Variants in AFG2A observed in about 807,000 individuals in gnomAD.
AFG2A encodes the protein ATPase family gene 2 protein homolog A.
At chr4:122,962,668 T>C in the AFG2A span, among the ~76,000 whole-genome samples, 1 of 152,218 alleles carries the variant, frequency 6.6e-6, no homozygotes, top group African/African-American at 2.4e-5. Context: ...AAGGTTTTCT[T>C]TCTAATTAAA....
chr4:123,140,161 A>G, the AFG2A span, among the ~76,000 whole-genome samples: 2,122 of 152,230 alleles, frequency 0.014, 54 homozygotes, highest in African/African-American at 0.049. Flanking sequence ...TGTTTTCAGA[A>G]TATCTAACCT....
At chr4:123,313,530 T>C in the AFG2A span, among the ~76,000 whole-genome samples, 1 of 152,234 alleles carries the variant, frequency 6.6e-6, no homozygotes, top group African/African-American at 2.4e-5. Flanking sequence ...CTCCACCACA[T>C]AGAGACATGC....
chr4:123,115,071 A>G, the AFG2A span, among the ~76,000 whole-genome samples: 1 of 152,170 alleles, frequency 6.6e-6, no homozygotes, highest in Non-Finnish European at 1.5e-5. Context: ...CTGCTCTCAC[A>G]GTTGCTTCTG....
At chr4:123,255,591 AC>A in the AFG2A span, among the ~76,000 whole-genome samples, 3 of 152,014 alleles carry the variant, frequency 2.0e-5, no homozygotes, top group Non-Finnish European at 1.5e-5. Flanking sequence ...TAAGGAAGTT[AC>A]AAAAAAAATT....
chr4:122,942,619 T>A, the AFG2A span, among the ~76,000 whole-genome samples: 5 of 152,202 alleles, frequency 3.3e-5, no homozygotes, highest in Non-Finnish European at 5.9e-5. Context: ...AGGGTTTTTT[T>A]ATGTCTCTAT....
chr4:123,053,210 A>G, the AFG2A span, among the ~76,000 whole-genome samples: 2 of 152,176 alleles, frequency 1.3e-5, no homozygotes, highest in Non-Finnish European at 2.9e-5. Context: ...GACAATTAAT[A>G]TTTACCATCA....
the AFG2A span, among the ~76,000 whole-genome samples, chr4:123,017,574 T>G: frequency 2.8e-4 from 42 of 152,206 alleles, no homozygotes; most frequent in African/African-American, 9.9e-4. Flanking sequence ...AATTTATAAT[T>G]GTTCTTGACC....
chr4:123,279,375 A>T, the AFG2A span, among the ~76,000 whole-genome samples: 1 of 151,770 alleles, frequency 6.6e-6, no homozygotes, highest in South Asian at 2.1e-4. Flanking sequence ...ATGCCACGGC[A>T]CTCCAGCCTG....
chr4:123,064,663 C>G, the AFG2A span, among the ~76,000 whole-genome samples: 1 of 152,182 alleles, frequency 6.6e-6, no homozygotes, highest in Non-Finnish European at 1.5e-5. Context: ...GAAATGAGTA[C>G]TGACTAACCT....
chr4:122,992,338 T>G, the AFG2A span, among the ~76,000 whole-genome samples: 1 of 152,372 alleles, frequency 6.6e-6, no homozygotes, highest in South Asian at 2.1e-4. Context: ...ATGTTACTCA[T>G]GAGCTCTGGA....
At chr4:123,025,156 C>T in the AFG2A span, among the ~76,000 whole-genome samples, 9 of 152,134 alleles carry the variant, frequency 5.9e-5, no homozygotes, top group South Asian at 4.2e-4. Flanking sequence ...GGTCTGTTAC[C>T]GCTGTTAACA....
At chr4:123,057,424 G>A in the AFG2A span, 6 of 861,316 alleles carry the variant, frequency 7.0e-6, no homozygotes, top group Non-Finnish European at 1.0e-5. Context: ...TTCAGTTTTT[G>A]TAATTTTTTC....
chr4:123,074,013 T>A, the AFG2A span, among the ~76,000 whole-genome samples: 2 of 151,862 alleles, frequency 1.3e-5, no homozygotes, highest in African/African-American at 4.8e-5. Flanking sequence ...AGTAATTTTA[T>A]TGCCTTCAAC....
the AFG2A span, among the ~76,000 whole-genome samples, chr4:123,240,532 T>C: frequency 1.3e-5 from 2 of 152,182 alleles, no homozygotes; most frequent in African/African-American, 4.8e-5. Flanking sequence ...CCTGAATGAC[T>C]ACTGAGTAAA....
At chr4:122,939,866 G>A in the AFG2A span, among the ~76,000 whole-genome samples, 1 of 152,164 alleles carries the variant, frequency 6.6e-6, no homozygotes, top group African/African-American at 2.4e-5. Flanking sequence ...CCATCTATGA[G>A]TGAGAACATG....
chr4:123,099,144 G>A, the AFG2A span, among the ~76,000 whole-genome samples: 7 of 151,814 alleles, frequency 4.6e-5, no homozygotes, highest in Non-Finnish European at 8.8e-5. Context: ...TATACCTGTT[G>A]GCTATTTGTA....
chr4:123,313,751 A>G, the AFG2A span: 3 of 739,504 alleles, frequency 4.1e-6, no homozygotes, highest in Non-Finnish European at 4.0e-6. Flanking sequence ...TGAGTGGACT[A>G]ATTCTTGCAG....
the AFG2A span, among the ~76,000 whole-genome samples, chr4:123,176,990 A>G: frequency 6.6e-6 from 1 of 152,184 alleles, no homozygotes; most frequent in African/African-American, 2.4e-5. Flanking sequence ...AAATGATAGC[A>G]TTAATATTTC....
chr4:123,317,749 A>C, the AFG2A span: 1 of 152,254 alleles, frequency 6.6e-6, no homozygotes. Context: ...ATACTGTGGC[A>C]ATAAAAAATA....
Sources: allele counts gnomAD v4.1 joint callset (sites outside exome capture counted in the v4.1 genomes callset), GRCh38; gene constraint gnomAD v4.1.1; transcripts MANE v1.5; gene names NCBI Gene and HGNC (gene_info 2026-07-23, HGNC 2026-07-21).